RPGR: variants seen among roughly 807,000 people sequenced by gnomAD.
RPGR encodes retinitis pigmentosa GTPase regulator.
A neutral mutation model predicts 56.3 loss-of-function variants in RPGR; 10 were observed. The observed-to-expected ratio is 0.18, with a 90% CI of 0.11 to 0.30. The LOEUF is 0.30. Among genes scored for constraint, RPGR ranks in the 10% least tolerant of loss-of-function variants. The pLI is 1.00. For synonymous variants in RPGR, 197 were observed against 212.9 expected (o/e 0.93, Z 0.65); for missense variants, 538 against 590.9 (o/e 0.91, Z 0.93).
At chrX:38,274,123 AT>A (rs1480902399) in intron 17 of RPGR, among the ~76,000 whole-genome samples, 1 of 112,135 alleles carries the variant, frequency 8.9e-6, no homozygotes, top group African/African-American at 3.2e-5. Context: ...ACAGATAGTT[AT>A]TTTTTTATGA....
At chrX:38,308,304 G>A (rs991792974) in intron 7 of RPGR, 1 of 112,007 alleles carries the variant, frequency 8.9e-6, no homozygotes. Flanking sequence ...TCTGGAGAGA[G>A]CAATCAATTT....
At chrX:38,290,353 G>A (rs1317775986) in intron 13 of RPGR, among the ~76,000 whole-genome samples, 1 of 111,539 alleles carries the variant, frequency 9.0e-6, no homozygotes, top group East Asian at 2.8e-4. Flanking sequence ...CTATGGTTGT[G>A]AAAACCACAG....
At chrX:38,304,897 G>A in intron 7 of RPGR, 107 bp from the exon 8 acceptor site, 1 of 670,768 alleles carries the variant, frequency 1.5e-6, no homozygotes, top group Admixed American at 2.8e-5. Context: ...AAGGTTAAGT[G>A]CCTCTGGGGA....
At chrX:38,307,421 T>C (rs764424955) in intron 7 of RPGR, among the ~76,000 whole-genome samples, 115 of 112,523 alleles carry the variant, frequency 1.0e-3, no homozygotes, top group Non-Finnish European at 1.8e-3. Flanking sequence ...AACTAAATTG[T>C]TTTTAAAATA....
rs79675956 is a variant in RPGR at position 38,285,307 on chromosome X, T to G, written c.1905+1787A>C. On this transcript the variant is annotated intron_variant, in intron 15 of 18. Coordinates refer to ENST00000642395, the MANE Select transcript of RPGR (RefSeq NM_000328.3). Reference sequence around the variant, plus strand: ...GACCTTTTAATATTTTCTAGTTATGTTTTTATAATTTGGGGGGGAAATACA... The same window carrying G: ...GACCTTTTAATATTTTCTAGTTATGGTTTTATAATTTGGGGGGGAAATACA... 0.062 allele frequency: 64,956 copies of G among 1,052,008 alleles called. 1,954 individuals carry two copies. Among genetic ancestry groups the G allele is most frequent in the African/African-American group, 0.17 (8,792 of 52,104 alleles). 86.7% of individuals were successfully genotyped at this position (1,052,008 alleles called of 1,213,427 possible).
intron 15 of RPGR, among the ~76,000 whole-genome samples, chrX:38,277,093 A>G (rs1343305858): frequency 8.9e-6 from 1 of 112,073 alleles, no homozygotes; most frequent in Non-Finnish European, 1.9e-5. Flanking sequence ...CCTTGAGAAA[A>G]GTTTAAAAAG....
At chrX:38,306,447 T>C (rs1305277443) in intron 7 of RPGR, among the ~76,000 whole-genome samples, 1 of 112,582 alleles carries the variant, frequency 8.9e-6, no homozygotes, top group African/African-American at 3.2e-5. Context: ...CATAACTGTC[T>C]ATTGTCATGT....
chrX:38,309,427 T>C (rs1278802523), intron 7 of RPGR, among the ~76,000 whole-genome samples: 2 of 112,620 alleles, frequency 1.8e-5, no homozygotes, highest in Non-Finnish European at 3.7e-5. Context: ...AAAGAAGGCA[T>C]TTCAGGAAAA....
At chrX:38,271,967 C>T (rs778014597) in intron 18 of RPGR, among the ~76,000 whole-genome samples, 119 of 111,899 alleles carry the variant, frequency 1.1e-3, no homozygotes, top group African/African-American at 3.8e-3. Flanking sequence ...TGAAAAAGAA[C>T]AAAAATACAA....
Position 38,327,382 on chromosome X carries a change from G to C in RPGR, c.-15C>G. The C allele has an allele frequency of 1.7e-6, 2 of 1,182,442 alleles. No homozygotes were observed. The highest frequency in any genetic ancestry group is 2.3e-6 in the Non-Finnish European group (2 of 881,272). ...GGCTCCCTCATGCCACGGGCAGTAC[G>C]GGCAGCCTGCGCCGGGGCCAGGAGG... On this transcript the variant is annotated 5_prime_UTR_variant, in exon 1 of 19. Transcript: ENST00000642395.
Position 38,310,731 on chromosome X carries a change from T to G in RPGR, c.662A>C (p.Lys221Thr). Residue 221 changes from lysine to threonine, a missense_variant, in exon 7 of 19, where the codon AAG becomes ACG. By Grantham distance (78) the Lys-to-Thr change is moderately conservative (BLOSUM62 -1). Transcript: ENST00000642395. Reference sequence around the variant, plus strand: ...CAGGAGCTGATTGGGAAGACCTAACTTCCCATTCTCAGGTTCTCCAAACAC... The same window carrying G: ...CAGGAGCTGATTGGGAAGACCTAACGTCCCATTCTCAGGTTCTCCAAACAC... 8.3e-7 allele frequency: 1 copy of G among 1,210,527 alleles called. No homozygotes were observed. Among genetic ancestry groups the G allele is most frequent in the Non-Finnish European group, 1.1e-6 (1 of 894,966 alleles).
chrX:38,281,138 G>A (rs931275257), intron 15 of RPGR, among the ~76,000 whole-genome samples: 3 of 112,366 alleles, frequency 2.7e-5, no homozygotes, highest in Non-Finnish European at 5.6e-5. Context: ...TCTTGCTGGC[G>A]AGCATTTTTA....
intron 11 of RPGR, among the ~76,000 whole-genome samples, chrX:38,295,591 G>C (rs4827346): frequency 0.096 from 10,709 of 111,564 alleles, 531 homozygotes; most frequent in African/African-American, 0.17. Context: ...CATGTCCAGG[G>C]CTGAAGAGTA....
intron 7 of RPGR, among the ~76,000 whole-genome samples, chrX:38,309,407 A>G (rs2067666962): frequency 8.9e-6 from 1 of 112,746 alleles, no homozygotes; most frequent in Non-Finnish European, 1.9e-5. Flanking sequence ...TTGAACAAAA[A>G]GCTTCTCCAA....
intron 6 of RPGR, among the ~76,000 whole-genome samples, chrX:38,313,459 T>A (rs182689957): frequency 2.0e-4 from 22 of 112,092 alleles, no homozygotes; most frequent in Non-Finnish European, 3.4e-4. Flanking sequence ...AGTGCCTATG[T>A]GATAGGGTTG....
intron 3 of RPGR, among the ~76,000 whole-genome samples, chrX:38,322,364 T>C (rs768702394): frequency 8.9e-6 from 1 of 112,060 alleles, no homozygotes; most frequent in Non-Finnish European, 1.9e-5. Context: ...TGTTGTTCTT[T>C]TACACTAGTA....
intron 7 of RPGR, 93 bp from the exon 8 acceptor site, chrX:38,304,883 A>G (rs2067567494): frequency 1.2e-6 from 1 of 839,099 alleles, no homozygotes; most frequent in Admixed American, 2.4e-5. Context: ...AACCTTTTAT[A>G]GTGAAGGTTA....
intron 16 of RPGR, chrX:38,275,239 C>A: frequency 1.5e-6 from 1 of 684,295 alleles, no homozygotes; most frequent in Non-Finnish European, 2.3e-6. Flanking sequence ...CTAGAGTCTG[C>A]CTCTAGCTAA....
chrX:38,274,490 G>C (rs2066895204), intron 17 of RPGR, among the ~76,000 whole-genome samples: 1 of 112,011 alleles, frequency 8.9e-6, no homozygotes, highest in South Asian at 3.7e-4. Flanking sequence ...ATTTAATAGA[G>C]AGAAAAAAGG....
Sources: allele counts gnomAD v4.1 joint callset (sites outside exome capture counted in the v4.1 genomes callset), GRCh38; gene constraint gnomAD v4.1.1; transcripts MANE v1.5; gene names NCBI Gene and HGNC (gene_info 2026-07-23, HGNC 2026-07-21).